DSE: variants seen among roughly 807,000 people sequenced by gnomAD.
DSE encodes the protein dermatan sulfate epimerase.
A neutral mutation model predicts 84.4 loss-of-function variants in DSE; 36 were observed. The ratio of observed to expected loss-of-function variants is 0.43; its 90% confidence interval spans 0.33 to 0.56. The LOEUF (loss-of-function observed/expected upper bound fraction) is 0.56, where lower values mean the gene tolerates loss of function less well. DSE is among the 20% of genes least tolerant of loss of function. The pLI is 0.06. For missense variants in DSE, 862 were observed against 1,169.6 expected, an observed-to-expected ratio of 0.74 and a Z score of 3.84; for synonymous variants, 410 against 430.1, an observed-to-expected ratio of 0.95 and a Z score of 0.58.
At chr6:116,432,505 A>G (rs1329804265) in intron 4 of DSE, 1 of 152,238 alleles carries the variant, frequency 6.6e-6, no homozygotes, top group Non-Finnish European at 1.5e-5. Context: ...AAGATCATTT[A>G]CTAAATTATT....
chr6:116,362,113 G>T (rs573783978), intron 2 of DSE, among the ~76,000 whole-genome samples: 5 of 152,198 alleles, frequency 3.3e-5, no homozygotes, highest in African/African-American at 4.8e-5. Context: ...TATGCATCCT[G>T]CAACAGGTAA....
chr6:116,279,283 T>C, intron 2 of DSE: 27 of 1,567,228 alleles, frequency 1.7e-5, no homozygotes, highest in Non-Finnish European at 2.2e-5. Context: ...CATTACCTCC[T>C]TCTCCGCCAG....
At chr6:116,313,364 T>C (rs941009459) in intron 2 of DSE, among the ~76,000 whole-genome samples, 1 of 152,314 alleles carries the variant, frequency 6.6e-6, no homozygotes. Flanking sequence ...CTTAGGAAAC[T>C]AATACAGAAA....
chr6:116,433,835 T>A (rs1317362964), intron 5 of DSE, among the ~76,000 whole-genome samples: 1 of 152,200 alleles, frequency 6.6e-6, no homozygotes, highest in Non-Finnish European at 1.5e-5. Flanking sequence ...TAGAAACATT[T>A]CTTTATGTTT....
At chr6:116,302,633 T>A (rs1775107957) in intron 2 of DSE, among the ~76,000 whole-genome samples, 1 of 152,240 alleles carries the variant, frequency 6.6e-6, no homozygotes, top group Admixed American at 6.5e-5. Context: ...TGTGCATAGT[T>A]CTTTAGTTTA....
chr6:116,373,321 C>T (rs1177865066), intron 1 of DSE, among the ~76,000 whole-genome samples: 5 of 152,318 alleles, frequency 3.3e-5, no homozygotes, highest in South Asian at 2.1e-4. Context: ...CGAGATTGTG[C>T]CACTGCACTC....
At chr6:116,403,036 A>G (rs1182427754) in intron 2 of DSE, among the ~76,000 whole-genome samples, 4 of 152,262 alleles carry the variant, frequency 2.6e-5, no homozygotes, top group Non-Finnish European at 5.9e-5. Flanking sequence ...CCTACAAAGT[A>G]GAACGGGAAT....
chr6:116,410,382 A>G (rs1782242214), intron 2 of DSE, among the ~76,000 whole-genome samples: 1 of 152,028 alleles, frequency 6.6e-6, no homozygotes, highest in Admixed American at 6.6e-5. Context: ...CCAAATGTGC[A>G]TCTCTAGGCA....
intron 2 of DSE, among the ~76,000 whole-genome samples, chr6:116,401,791 T>G (rs956300602): frequency 1.3e-5 from 2 of 152,186 alleles, no homozygotes; most frequent in African/African-American, 4.8e-5. Context: ...ATTCTCACTA[T>G]GTACCAAGAA....
intron 2 of DSE, chr6:116,277,056 G>GC: frequency 6.6e-6 from 1 of 152,164 alleles, no homozygotes; most frequent in East Asian, 1.9e-4. Flanking sequence ...TATTGTACAG[G>GC]CAAGTAAGAC....
chr6:116,406,231 G>A (rs1391153184), intron 2 of DSE, among the ~76,000 whole-genome samples: 1 of 152,192 alleles, frequency 6.6e-6, no homozygotes, highest in African/African-American at 2.4e-5. Flanking sequence ...GGCTTTCAGA[G>A]TTGTCAGAGG....
At chr6:116,394,082 TAGG>T (rs1781084855) in intron 1 of DSE, among the ~76,000 whole-genome samples, 1 of 152,218 alleles carries the variant, frequency 6.6e-6, no homozygotes, top group African/African-American at 2.4e-5. Flanking sequence ...GCTTAGGATT[TAGG>T]AGGTGCAAGT....
intron 2 of DSE, among the ~76,000 whole-genome samples, chr6:116,268,018 G>C (rs890499846): frequency 6.6e-6 from 1 of 152,092 alleles, no homozygotes; most frequent in African/African-American, 2.4e-5. Context: ...GATGAGATTT[G>C]GGTGGGGACA....
intron 2 of DSE, among the ~76,000 whole-genome samples, chr6:116,272,620 G>A (rs947644578): frequency 6.6e-6 from 1 of 152,302 alleles, no homozygotes; most frequent in Admixed American, 6.5e-5. Context: ...TGGGAAGGGA[G>A]TATGTATTCC....
chr6:116,308,297 T>C (rs902556102), intron 2 of DSE, among the ~76,000 whole-genome samples: 14 of 152,336 alleles, frequency 9.2e-5, no homozygotes, highest in African/African-American at 7.2e-5. Flanking sequence ...TGGGAGTGTT[T>C]TTGTTTTGTT....
Position 116,399,492 on chromosome 6 carries a change from G to C in DSE, c.242G>C (p.Ser81Thr). The C allele has an allele frequency of 6.2e-7, 1 of 1,614,190 alleles. No homozygotes were observed. The highest frequency in any genetic ancestry group is 1.1e-5 in the South Asian group (1 of 91,082). Residue 81 changes from serine to threonine, a missense_variant, in exon 2 of 6, where the codon AGC (serine) becomes ACC (threonine). Physicochemically the swap from Ser to Thr is moderately conservative, Grantham distance 58. Around this residue, in one of 4 missense-constraint regions of DSE, gnomAD observed 309 missense variants for 516.9 expected, o/e 0.60. Transcript: ENST00000644252. Reference sequence around the variant, plus strand: ...GAGGCTGTGCACACGATGCTGTCCAGCCCCTTGGAATACCTCCCTCCCTGG... The same window carrying C: ...GAGGCTGTGCACACGATGCTGTCCACCCCCTTGGAATACCTCCCTCCCTGG... ...LTEAVHTMLS[S>T]PLEYLPPWDP...
intron 3 of DSE, among the ~76,000 whole-genome samples, chr6:116,427,072 C>T (rs1401288421): frequency 6.6e-6 from 1 of 152,192 alleles, no homozygotes; most frequent in Non-Finnish European, 1.5e-5. Flanking sequence ...CAGAACAAAT[C>T]CTCACAGCTC....
At chr6:116,330,374 A>G (rs1776865962) in intron 2 of DSE, among the ~76,000 whole-genome samples, 1 of 152,216 alleles carries the variant, frequency 6.6e-6, no homozygotes, top group Non-Finnish European at 1.5e-5. Context: ...GTACCTAGCT[A>G]TGCCACTGCA....
At chr6:116,325,251 A>T (rs1776552060) in intron 2 of DSE, among the ~76,000 whole-genome samples, 1 of 152,216 alleles carries the variant, frequency 6.6e-6, no homozygotes, top group Non-Finnish European at 1.5e-5. Flanking sequence ...TCTAAGTCCC[A>T]AGACCTCACT....
Sources: allele counts gnomAD v4.1 joint callset (sites outside exome capture counted in the v4.1 genomes callset), GRCh38; gene constraint gnomAD v4.1.1; regional missense constraint gnomAD v4.1.1; transcripts MANE v1.5; gene names NCBI Gene and HGNC (gene_info 2026-07-23, HGNC 2026-07-21).